The following PRDM16 variants were observed in gnomAD, a reference collection of about 807,000 sequenced individuals.
PRDM16 encodes histone-lysine N-methyltransferase PRDM16.
In PRDM16, 23 loss-of-function variants were observed where a neutral mutation model predicts 110.6. The ratio of observed to expected loss-of-function variants is 0.21; its 90% CI spans 0.15 to 0.29. The LOEUF (loss-of-function observed/expected upper bound fraction) is 0.29, where lower values mean the gene tolerates loss of function less well. PRDM16 is among the 10% of genes least tolerant of loss of function. The pLI is 1.00. For synonymous variants in PRDM16, 799 were observed against 781.8 expected (o/e 1.02, Z -0.37); for missense variants, 1,615 against 1,794.3 (o/e 0.90, Z 1.81).
At chr1:3,433,262 C>T (rs1201700077) in intron 16 of PRDM16, among the ~76,000 whole-genome samples, 2 of 152,256 alleles carry the variant, frequency 1.3e-5, no homozygotes, top group East Asian at 1.9e-4. Context: ...TCGTCCCTCC[C>T]GCCGTCACGC....
chr1:3,408,280 G>A (rs374554323), intron 8 of PRDM16, among the ~76,000 whole-genome samples: 1 of 152,202 alleles, frequency 6.6e-6, no homozygotes, highest in African/African-American at 2.4e-5. Flanking sequence ...CATTCCTGGT[G>A]GTGTCTTTCC....
intron 8 of PRDM16, among the ~76,000 whole-genome samples, chr1:3,409,909 G>T (rs1458698761): frequency 3.4e-4 from 39 of 114,940 alleles, no homozygotes; most frequent in South Asian, 8.5e-4. Context: ...TGTGGTTGTG[G>T]GTGTGGTGTG....
intron 8 of PRDM16, among the ~76,000 whole-genome samples, chr1:3,409,925 ATGTGCATGTGTGTGGTGTGGGTGTG>A (rs1569721753): frequency 1.6e-5 from 1 of 63,764 alleles, no homozygotes; most frequent in Non-Finnish European, 2.8e-5. Flanking sequence ...GTGTGTGTGT[ATGTGCATGTGTGTGGTGTGGGTGTG>A]TGTGCGTGTG....
chr1:3,391,196 G>C (rs1643294400), intron 4 of PRDM16, among the ~76,000 whole-genome samples: 1 of 152,142 alleles, frequency 6.6e-6, no homozygotes, highest in Non-Finnish European at 1.5e-5. Context: ...GCAGGCAGGA[G>C]CCTCCCACCA....
intron 12 of PRDM16, among the ~76,000 whole-genome samples, chr1:3,421,259 G>A (rs554537157): frequency 1.4e-4 from 22 of 152,036 alleles, no homozygotes; most frequent in African/African-American, 4.3e-4. Context: ...TCAGGGGCTC[G>A]GGGGCCCTGG....
intron 1 of PRDM16, among the ~76,000 whole-genome samples, chr1:3,070,385 G>A (rs1641720464): frequency 6.8e-6 from 1 of 147,704 alleles, no homozygotes; most frequent in African/African-American, 2.4e-5. Flanking sequence ...CATCCGCGGT[G>A]AGGCGGGCGG....
intron 1 of PRDM16, among the ~76,000 whole-genome samples, chr1:3,111,571 A>C (rs1642795337): frequency 7.6e-6 from 1 of 130,912 alleles, no homozygotes; most frequent in Non-Finnish European, 1.7e-5. Context: ...AGGAGGAGGA[A>C]GGGGAAGAGG....
Position 3,381,685 on chromosome 1 carries a change from G to C in PRDM16, c.439-3467G>C. On this transcript the variant is annotated intron_variant, in intron 3 of 16. Transcript: ENST00000270722. The stretch of plus-strand genomic sequence containing the variant: ...ATTATAGGCATGAGCCACCGTGCCC[G>C]ACAGAGGCCAACACTCTTGAGTCAA... Among the ~76,000 whole-genome samples, 2 of 152,260 alleles carry C rather than the reference G, an allele frequency of 1.3e-5. 1 individual carries two copies. Among genetic ancestry groups the C allele is most frequent in the South Asian group, 4.1e-4 (2 of 4,820 alleles).
intron 2 of PRDM16, chr1:3,207,757 T>A (rs1638787233): frequency 1.3e-5 from 2 of 152,212 alleles, no homozygotes; most frequent in Admixed American, 1.3e-4. Flanking sequence ...AGAGTCAGAA[T>A]TACCCCAATA....
chr1:3,429,101 A>C (rs1163601167), intron 14 of PRDM16, among the ~76,000 whole-genome samples: 1 of 152,096 alleles, frequency 6.6e-6, no homozygotes, highest in Non-Finnish European at 1.5e-5. Context: ...CAGCAGCGGG[A>C]GCTGGAGAGA....
intron 1 of PRDM16, among the ~76,000 whole-genome samples, chr1:3,184,243 A>T (rs1285000783): frequency 6.6e-6 from 1 of 152,212 alleles, no homozygotes; most frequent in African/African-American, 2.4e-5. Context: ...TTTCCCCCCA[A>T]GACTTTGGTT....
Position 3,150,870 on chromosome 1 carries a change from C to T in PRDM16, c.38-35255C>T, listed in dbSNP as rs35959125. Among the ~76,000 whole-genome samples the T allele has an allele frequency of 5.6e-4, 62 of 110,702 alleles. No homozygotes were observed. In the Middle Eastern group the frequency reaches 0.018, roughly 33 times the overall value. 72.6% of individuals were successfully genotyped at this position (110,702 alleles called of 152,430 possible). ...AAGAGCTATGGAGGCCGGGTGGGGG[C>T]GGGGGGGCTGGTCCTAGAGCTATGG... On this transcript the variant is annotated intron_variant, in intron 1 of 16. Transcript: ENST00000270722.
chr1:3,430,950 G>GGAC lies in PRDM16; in HGVS notation c.3369_3371dup (p.Asp1125dup), dbSNP rs758774731. The stretch of plus-strand genomic sequence containing the variant: ...AGAAGCAGGAGGACGTGGAGGAGGA[G>GGAC]GACGACGATGACCTGGAGGAGGACG... On this transcript the variant is annotated inframe_insertion, in exon 15 of 17. Coordinates refer to ENST00000270722, the MANE Select transcript of PRDM16 (RefSeq NM_022114.4). The GGAC allele has an allele frequency of 3.0e-4, 482 of 1,613,700 alleles. 4 individuals are homozygous for GGAC. Among genetic ancestry groups the GGAC allele is most frequent in the Admixed American group, 1.8e-4 (11 of 59,962 alleles).
At chr1:3,176,737 C>T (rs974387995) in intron 1 of PRDM16, among the ~76,000 whole-genome samples, 1 of 151,138 alleles carries the variant, frequency 6.6e-6, no homozygotes, top group African/African-American at 2.4e-5. Context: ...TCCATCCATC[C>T]ATCCATCTAT....
intron 3 of PRDM16, among the ~76,000 whole-genome samples, chr1:3,288,982 G>T (rs796245295): frequency 9.8e-5 from 15 of 152,300 alleles, no homozygotes; most frequent in African/African-American, 3.6e-4. Flanking sequence ...ATCCTTGCGT[G>T]CTCACCACCT....
chr1:3,131,637 G>T (rs2981862), intron 1 of PRDM16, among the ~76,000 whole-genome samples: 14,774 of 152,222 alleles, frequency 0.097, 1,800 homozygotes, highest in African/African-American at 0.28. Flanking sequence ...CAAAATTTTT[G>T]CATGCCATTG....
chr1:3,324,481 T>A (rs1173658001), intron 3 of PRDM16, among the ~76,000 whole-genome samples: 1 of 152,136 alleles, frequency 6.6e-6, no homozygotes, highest in Non-Finnish European at 1.5e-5. Context: ...GCTCACTCGC[T>A]CATGCCCTCA....
At chr1:3,380,228 G>A (rs1345269312) in intron 3 of PRDM16, among the ~76,000 whole-genome samples, 1 of 151,610 alleles carries the variant, frequency 6.6e-6, no homozygotes, top group Non-Finnish European at 1.5e-5. Flanking sequence ...GGCTCTCCTG[G>A]AGGAAGGGTT....
At position 3,244,285 on chromosome 1, in the gene PRDM16, G is replaced by T; in HGVS notation, c.438+148G>T. ...CCGAGCAATGTGTTATCTGTGGACT[G>T]ACGTGTGCACAGGACGGTGGCTTTG... On this transcript the variant is annotated intron_variant, in intron 3 of 16. Coordinates refer to ENST00000270722, the MANE Select transcript of PRDM16 (RefSeq NM_022114.4). The surrounding 1 kb of genome is among the most constrained non-coding windows in gnomAD (Gnocchi z 4.1). 1 of 743,438 alleles carries T rather than the reference G, an allele frequency of 1.3e-6. No individual in the cohort carries two copies. Among genetic ancestry groups the T allele is most frequent in the Non-Finnish European group, 2.3e-6 (1 of 435,762 alleles). The allele number at this position is 743,438 out of a possible 1,614,324, so 46.1% of individuals were successfully genotyped here. A position where few individuals can be genotyped will look rare whatever the true frequency, so the allele number is the denominator to read the frequency against.
Sources: gnomAD v4.1 joint callset for allele counts (sites outside exome capture counted in the v4.1 genomes callset) on GRCh38, gnomAD v4.1.1 for gene constraint, Gnocchi (gnomAD v3.1) non-coding constraint, MANE v1.5 for transcripts, NCBI Gene and HGNC (gene_info 2026-07-23, HGNC 2026-07-21) for gene names.